The following SLC5A12 variants were observed in gnomAD, a reference collection of about 807,000 sequenced individuals.
The protein encoded by SLC5A12 is sodium-coupled monocarboxylate transporter 2.
Under a neutral mutation model 72.7 loss-of-function variants are expected in SLC5A12, and 46 were observed. That is an observed-to-expected ratio of 0.63 (90% CI 0.50 to 0.81). The LOEUF (loss-of-function observed/expected upper bound fraction) is 0.81. SLC5A12 is among the 30% of genes least tolerant of loss of function. SLC5A12 has a pLI of 0.00. For missense variants in SLC5A12, 683 were observed against 740.7 expected (o/e 0.92, Z 0.90); for synonymous variants, 275 against 264.4 (o/e 1.04, Z -0.39).
intron 12 of SLC5A12, among the ~76,000 whole-genome samples, chr11:26,680,373 A>ATATATATATG (rs1854377623): frequency 1.1e-5 from 1 of 89,582 alleles, no homozygotes; most frequent in Non-Finnish European, 2.6e-5. Flanking sequence ...ATATATATTC[A>ATATATATATG]TATATATATG....
intron 9 of SLC5A12, among the ~76,000 whole-genome samples, chr11:26,686,960 A>T (rs1464913861): frequency 6.6e-6 from 1 of 152,360 alleles, no homozygotes; most frequent in East Asian, 1.9e-4. Context: ...GTAGTTTTTC[A>T]TCTTAACAAT....
intron 9 of SLC5A12, among the ~76,000 whole-genome samples, chr11:26,689,234 A>C (rs1854608634): frequency 6.6e-6 from 1 of 151,894 alleles, no homozygotes; most frequent in South Asian, 2.1e-4. Flanking sequence ...CGTTTCTACT[A>C]AAAAAATACA....
At chr11:26,711,612 G>T (rs1855231074) in intron 2 of SLC5A12, among the ~76,000 whole-genome samples, 1 of 152,000 alleles carries the variant, frequency 6.6e-6, no homozygotes, top group South Asian at 2.1e-4. Context: ...GTTATATTTT[G>T]TATATCTCTA....
intron 1 of SLC5A12, among the ~76,000 whole-genome samples, chr11:26,717,653 T>C (rs10734384): frequency 0.82 from 123,945 of 152,074 alleles, 53,558 homozygotes; most frequent in Non-Finnish European, 0.96. Flanking sequence ...TATATAACAC[T>C]CGCCTCCAAA....
At position 26,680,328 on chromosome 11, in the gene SLC5A12, CATATATATATGTATATATATTCAT is replaced by C. The variant is rs1854370334; in HGVS notation, c.1475+703_1475+726del. Reference sequence around the variant, plus strand: ...TCATATATATATATGTATATATATTCATATATATATGTATATATATTCATATATATATGTATATATATTCATATA... The same window carrying C: ...TCATATATATATATGTATATATATTCATATATATGTATATATATTCATATA... On this transcript the variant is annotated intron_variant, in intron 12 of 14. Transcript: ENST00000396005. Among the ~76,000 whole-genome samples the C allele has an allele frequency of 1.3e-4, 10 of 75,024 alleles. 1 individual carries two copies. The highest frequency in any genetic ancestry group is 5.5e-4 in the African/African-American group (9 of 16,254). 49.2% of individuals were successfully genotyped at this position (75,024 alleles called of 152,430 possible).
chr11:26,709,127 T>G, intron 4 of SLC5A12, 185 bp downstream of exon 4: 1 of 448,690 alleles, frequency 2.2e-6, no homozygotes, highest in Non-Finnish European at 4.0e-6. Flanking sequence ...CTCCTAAAGG[T>G]TGGTAATGAA....
At chr11:26,715,014 A>G (rs1384889745) in intron 1 of SLC5A12, among the ~76,000 whole-genome samples, 2 of 68,256 alleles carry the variant, frequency 2.9e-5, no homozygotes, top group Admixed American at 4.3e-4. Flanking sequence ...CAAATATCAT[A>G]AGGTAGAAAA....
intron 13 of SLC5A12, among the ~76,000 whole-genome samples, chr11:26,677,862 A>G (rs1396578037): frequency 6.6e-6 from 1 of 152,164 alleles, no homozygotes; most frequent in Non-Finnish European, 1.5e-5. Flanking sequence ...ATGGAAAAAT[A>G]GAATACCTTA....
At position 26,681,197 on chromosome 11, in the gene SLC5A12, CA is replaced by C. The variant is rs1854404626; in HGVS notation, c.1332del (p.Gly445GlufsTer37). On this transcript the variant is annotated frameshift_variant, in exon 12 of 15. Coordinates refer to ENST00000396005, the MANE Select transcript of SLC5A12 (RefSeq NM_178498.4). LOFTEE classifies it high-confidence loss of function. ...NWKGALGGLL[T>X]GITLSFWVAI... ...GCCACCCAAAATGACAAGGTGATTC[CA>C]GTAAGAAGACCTCCTAGTGCACCCT... The C allele has an allele frequency of 6.2e-7, 1 of 1,604,508 alleles. No individual in the cohort carries two copies. Among genetic ancestry groups the C allele is most frequent in the Non-Finnish European group, 8.5e-7 (1 of 1,175,892 alleles).
chr11:26,673,393 T>C lies in SLC5A12; in HGVS notation c.1707+9A>G. ...ATACACATTTTTAGAAGCTCAAACATCAGCTCACCTGCTCTGTCCCACTGT... is the reference window on the plus strand; with the variant it reads ...ATACACATTTTTAGAAGCTCAAACACCAGCTCACCTGCTCTGTCCCACTGT... On this transcript the variant is annotated intron_variant, in intron 14 of 14. Coordinates refer to ENST00000396005, the MANE Select transcript of SLC5A12 (RefSeq NM_178498.4). 6.5e-7 allele frequency: 1 copy of C among 1,541,758 alleles called. No individual in the cohort carries two copies.
At chr11:26,692,115 C>A (rs7943195) in intron 9 of SLC5A12, 167,066 of 168,370 alleles carry the variant, frequency 0.99, 82,907 homozygotes, top group East Asian at 1. Context: ...ATGATAGCTG[C>A]TAAGATTTAA....
At chr11:26,675,048 A>C (rs1286473919) in intron 13 of SLC5A12, among the ~76,000 whole-genome samples, 10 of 152,184 alleles carry the variant, frequency 6.6e-5, no homozygotes, top group Admixed American at 6.5e-4. Context: ...GTGGCTGAGG[A>C]GGAGTTGCAA....
At chr11:26,686,353 T>G in intron 10 of SLC5A12, 124 bp downstream of exon 10, 2 of 745,150 alleles carry the variant, frequency 2.7e-6, no homozygotes, top group Non-Finnish European at 4.4e-6. Flanking sequence ...TTACATTTAT[T>G]TTTAATTTGG....
chr11:26,679,468 T>C (rs1854340206), intron 12 of SLC5A12, among the ~76,000 whole-genome samples: 1 of 152,088 alleles, frequency 6.6e-6, no homozygotes, highest in South Asian at 2.1e-4. Flanking sequence ...ATAAAATTTA[T>C]GGAAAGAAAA....
rs1392145455 is a variant in SLC5A12 at position 26,667,432 on chromosome 11, T to G, written c.*3670A>C. ...GCCACATGGCCAATGGTTTACTTTT[T>G]GTTTCTCTTTAGAATGAAATGGTGT... On this transcript the variant is annotated 3_prime_UTR_variant, in exon 15 of 15. Coordinates refer to ENST00000396005, the MANE Select transcript of SLC5A12 (RefSeq NM_178498.4). 1 of 152,008 alleles carries G rather than the reference T, an allele frequency of 6.6e-6. No individual in the cohort carries two copies. Among genetic ancestry groups the G allele is most frequent in the Non-Finnish European group, 1.5e-5 (1 of 67,904 alleles). The allele number at this position is 152,008 out of a possible 1,614,324, so 9.4% of individuals were successfully genotyped here.
Position 26,673,437 on chromosome 11 carries a change from A to G in SLC5A12, c.1672T>C (p.Trp558Arg). The change falls in exon 14 of 15, where the codon TGG (tryptophan) becomes CGG (arginine). Residue 558 changes from tryptophan to arginine, a missense_variant. Trp to Arg is a moderately radical substitution (Grantham distance 101). Coordinates refer to ENST00000396005, the MANE Select transcript of SLC5A12 (RefSeq NM_178498.4). ...FWSKKYKTLC[W>R]CGVQHDSGTE... The stretch of plus-strand genomic sequence containing the variant: ...CCACTGTCATGCTGAACTCCACACC[A>G]GCATAGTGTTTTGTACTTCTTAGAC... 1 of 1,610,344 alleles carries G rather than the reference A, an allele frequency of 6.2e-7. No individual in the cohort carries two copies. The highest frequency in any genetic ancestry group is 8.5e-7 in the Non-Finnish European group (1 of 1,178,306).
At chr11:26,697,377 T>C (rs1854847136) in intron 7 of SLC5A12, 125 bp from the exon 8 acceptor site, 1 of 768,644 alleles carries the variant, frequency 1.3e-6, no homozygotes, top group South Asian at 1.9e-5. Flanking sequence ...GGAACATAGC[T>C]GTTTAGCAAA....
intron 10 of SLC5A12, 82 bp from the exon 11 acceptor site, chr11:26,683,925 G>A (rs551824714): frequency 9.4e-7 from 1 of 1,059,218 alleles, no homozygotes; most frequent in South Asian, 1.4e-5. Flanking sequence ...CTTGGACCTG[G>A]GATAATATTG....
chr11:26,702,177 GA>G (rs1854973213), intron 6 of SLC5A12, among the ~76,000 whole-genome samples: 1 of 152,166 alleles, frequency 6.6e-6, no homozygotes, highest in African/African-American at 2.4e-5. Context: ...ATTGGATAAA[GA>G]GATGACCACA....
Sources: gnomAD v4.1 joint callset for allele counts (sites outside exome capture counted in the v4.1 genomes callset) on GRCh38, gnomAD v4.1.1 for gene constraint, MANE v1.5 for transcripts, NCBI Gene and HGNC (gene_info 2026-07-23, HGNC 2026-07-21) for gene names.